Variants in ZKSCAN4 observed in about 807,000 individuals in gnomAD.
ZKSCAN4 encodes zinc finger protein with KRAB and SCAN domains 4.
A neutral mutation model predicts 30.8 loss-of-function variants in ZKSCAN4; 23 were observed. The observed-to-expected ratio is 0.75, with a 90% CI of 0.54 to 1.06. ZKSCAN4 has a LOEUF of 1.06. Ranked by LOEUF, ZKSCAN4 falls within the 50% of genes least tolerant of loss-of-function variation. ZKSCAN4 has a pLI of 0.00. For synonymous variants in ZKSCAN4, 208 were observed against 252.5 expected, an observed-to-expected ratio of 0.82 and a Z score of 1.67; for missense variants, 556 against 665.4, an observed-to-expected ratio of 0.84 and a Z score of 1.81.
In ZKSCAN4 at chr6:28,242,778, CAA is replaced by C. The variant is rs1024422385; in HGVS notation, c.*2336_*2337del. 2.0e-5 allele frequency among the ~76,000 whole-genome samples: 3 copies of C among 149,190 alleles called. No homozygotes were observed. The highest frequency in any genetic ancestry group is 7.5e-5 in the African/African-American group (3 of 40,008). On this transcript the variant is annotated 3_prime_UTR_variant, in exon 5 of 5. Coordinates refer to ENST00000377294, the MANE Select transcript of ZKSCAN4 (RefSeq NM_019110.5). The stretch of plus-strand genomic sequence containing the variant: ...GTATACACACACACACACACACACA[CAA>C]ATAGAGGCTTTATTTCTTCCCTTTT...
In ZKSCAN4 at chr6:28,249,465, G is replaced by A. The variant is rs1224683156; in HGVS notation, c.571+222C>T. On this transcript the variant is annotated intron_variant, in intron 2 of 4. Coordinates refer to ENST00000377294, the MANE Select transcript of ZKSCAN4 (RefSeq NM_019110.5). This position sits in a 1 kb window ranked among gnomAD's most constrained non-coding sequence, Gnocchi z 4.1. Reference sequence around the variant, plus strand: ...AGATCACCATGTTGTTTAAAAAACCGATTCTTTCTAGACATCAATTTTAAT... The same window carrying A: ...AGATCACCATGTTGTTTAAAAAACCAATTCTTTCTAGACATCAATTTTAAT... Among the ~76,000 whole-genome samples the A allele has an allele frequency of 6.6e-6, 1 of 152,028 alleles. No individual in the cohort carries two copies. The highest frequency in any genetic ancestry group is 1.5e-5 in the Non-Finnish European group (1 of 68,000).
chr6:28,243,163 A>G lies in ZKSCAN4; in HGVS notation c.*1953T>C, dbSNP rs926460192. On this transcript the variant is annotated 3_prime_UTR_variant, in exon 5 of 5. Transcript: ENST00000377294. ...GATTTTAAAGAAATTTGAAAAGGCT[A>G]GAAAAGATTGAGCAGAGAAAGTCTA... 6.6e-5 allele frequency among the ~76,000 whole-genome samples: 10 copies of G among 152,260 alleles called. No homozygotes were observed. Among genetic ancestry groups the G allele is most frequent in the African/African-American group, 2.2e-4 (9 of 41,480 alleles).
At chr6:28,247,926 C>T in intron 3 of ZKSCAN4, 141 bp downstream of exon 3, 1 of 542,362 alleles carries the variant, frequency 1.8e-6, no homozygotes, top group Non-Finnish European at 3.2e-6. Flanking sequence ...TTATATGCAA[C>T]TTTGGGATAG....
At position 28,249,890 on chromosome 6, in the gene ZKSCAN4, A is replaced by T; in HGVS notation, c.424-56T>A. 3 of 1,592,104 alleles carry T rather than the reference A, an allele frequency of 1.9e-6. No homozygotes were observed. The highest frequency in any genetic ancestry group is 2.6e-6 in the Non-Finnish European group (3 of 1,165,846). ...AACATTTCTATGTTTTCCATGTGCA[A>T]GTGATTTCTATTTTCTAGGCACTGT... On this transcript the variant is annotated intron_variant, in intron 1 of 4. Transcript: ENST00000377294. The surrounding 1 kb of genome is among the most constrained non-coding windows in gnomAD (Gnocchi z 4.1).
At chr6:28,255,643 A>G (rs1761155364), upstream of ZKSCAN4, among the ~76,000 whole-genome samples, 1 of 151,990 alleles carries the variant, frequency 6.6e-6, no homozygotes, top group Admixed American at 6.6e-5. Flanking sequence ...AACTGGCCAA[A>G]TTTTTCCTTG....
chr6:28,247,598 A>G (rs903875131), intron 3 of ZKSCAN4, among the ~76,000 whole-genome samples: 2 of 152,254 alleles, frequency 1.3e-5, no homozygotes, highest in African/African-American at 4.8e-5. Flanking sequence ...TTCATATTGT[A>G]ATATAAATAA....
rs558947140 is a variant in ZKSCAN4, at chr6:28,242,696, CTTAT to C, written c.*2416_*2419del. ...CATAAGGCATTTATCATTACACTGC[CTTAT>C]TTGTGTGCAAGTCTTACCAACCTGA... On this transcript the variant is annotated 3_prime_UTR_variant, in exon 5 of 5. Coordinates refer to ENST00000377294, the MANE Select transcript of ZKSCAN4 (RefSeq NM_019110.5). Among the ~76,000 whole-genome samples, 117 of 152,202 alleles carry C rather than the reference CTTAT, an allele frequency of 7.7e-4. No homozygotes were observed. Among genetic ancestry groups the C allele is most frequent in the African/African-American group, 1.8e-3 (75 of 41,512 alleles).
chr6:28,245,155 A>G lies in ZKSCAN4; in HGVS notation c.1599T>C (p.His533=), dbSNP rs200159390. The G allele has an allele frequency of 3.1e-4, 507 of 1,614,016 alleles. 7 individuals carry two copies. Among genetic ancestry groups the G allele is most frequent in the South Asian group, 2.9e-3 (268 of 91,068 alleles). ...GFTRTSYLVQ[H]QRSHVGKKTL... ...TTTTTTTCCCTACATGGCTTCTCTG[A>G]TGTTGAACAAGGTATGAAGTTCGAG... The change falls in exon 5 of 5, where the codon CAT becomes CAC. Residue 533 remains histidine, a synonymous_variant. Transcript: ENST00000377294.
the ZKSCAN4 span, among the ~76,000 whole-genome samples, chr6:28,257,803 T>C: frequency 6.6e-6 from 1 of 152,206 alleles, no homozygotes; most frequent in East Asian, 1.9e-4. Context: ...CCTGTGTCGC[T>C]ACCTGAAAGA....
At position 28,242,639 on chromosome 6, in the gene ZKSCAN4, C is replaced by G. The variant is rs982426123; in HGVS notation, c.*2477G>C. ...CACAGCTGGAAGCATCCTTTTCCTT[C>G]TCTGAATTTCTACAAGCCTCAGTTT... On this transcript the variant is annotated 3_prime_UTR_variant, in exon 5 of 5. Coordinates refer to ENST00000377294, the MANE Select transcript of ZKSCAN4 (RefSeq NM_019110.5). Among the ~76,000 whole-genome samples the G allele has an allele frequency of 6.6e-6, 1 of 152,146 alleles. No homozygotes were observed. The highest frequency in any genetic ancestry group is 6.6e-5 in the Admixed American group (1 of 15,262).
rs1581574879 is a variant in ZKSCAN4, at chr6:28,243,745, A to G, written c.*1371T>C. On this transcript the variant is annotated 3_prime_UTR_variant, in exon 5 of 5. Coordinates refer to ENST00000377294, the MANE Select transcript of ZKSCAN4 (RefSeq NM_019110.5). ...AGTGGCACCATCTCGGCTCACTGCA[A>G]CCTCCACCTCCCAGTTTCAAGCAAC... Among the ~76,000 whole-genome samples the G allele has an allele frequency of 6.6e-6, 1 of 151,512 alleles. No individual in the cohort carries two copies. The highest frequency in any genetic ancestry group is 1.9e-4 in the East Asian group (1 of 5,162).
In ZKSCAN4 at chr6:28,243,600, T is replaced by C. The variant is rs1760580431; in HGVS notation, c.*1516A>G. ...TCACATATCAACACTTTGGATATTG[T>C]ACAATCTTTTTCATCAGATACCTAG... is the stretch of plus-strand genomic sequence containing the variant. On this transcript the variant is annotated 3_prime_UTR_variant, in exon 5 of 5. Transcript: ENST00000377294. 6.6e-6 allele frequency among the ~76,000 whole-genome samples: 1 copy of C among 152,152 alleles called. No individual in the cohort carries two copies. Among genetic ancestry groups the C allele is most frequent in the East Asian group, 1.9e-4 (1 of 5,206 alleles).
chr6:28,243,734 G>T lies in ZKSCAN4; in HGVS notation c.*1382C>A, dbSNP rs9393911. On this transcript the variant is annotated 3_prime_UTR_variant, in exon 5 of 5. Coordinates refer to ENST00000377294, the MANE Select transcript of ZKSCAN4 (RefSeq NM_019110.5). ...GGCTGGACTGCAGTGGCACCATCTCGGCTCACTGCAACCTCCACCTCCCAG... is the reference window on the plus strand; with the variant it reads ...GGCTGGACTGCAGTGGCACCATCTCTGCTCACTGCAACCTCCACCTCCCAG... Among the ~76,000 whole-genome samples, 1 of 150,538 alleles carries T rather than the reference G, an allele frequency of 6.6e-6. No homozygotes were observed.
chr6:28,241,966 A>G lies in ZKSCAN4; in HGVS notation c.*3150T>C, dbSNP rs1477889140. On this transcript the variant is annotated 3_prime_UTR_variant, in exon 5 of 5. Transcript: ENST00000377294. ...ATACGTCTTTGCCAAAATTAAGAAC[A>G]AATCCAAGAGTGCCATTCATCAAAA... Among the ~76,000 whole-genome samples, 2 of 152,276 alleles carry G rather than the reference A, an allele frequency of 1.3e-5. No homozygotes were observed. Among genetic ancestry groups the G allele is most frequent in the Middle Eastern group, 3.4e-3 (1 of 294 alleles).
At chr6:28,255,313 T>C (rs1761145333), upstream of ZKSCAN4, among the ~76,000 whole-genome samples, 1 of 152,216 alleles carries the variant, frequency 6.6e-6, no homozygotes, top group African/African-American at 2.4e-5. Flanking sequence ...CTATTGCTGC[T>C]TTTTATAGCT....
rs951841768 is a variant in ZKSCAN4 at position 28,244,161 on chromosome 6, TA to T, written c.*954del. On this transcript the variant is annotated 3_prime_UTR_variant, in exon 5 of 5. Coordinates refer to ENST00000377294, the MANE Select transcript of ZKSCAN4 (RefSeq NM_019110.5). ...ATAAGCCTTGATGCACAGTCAGCTA[TA>T]AACTGGGGAAGAGGGACACAGATGA... Among the ~76,000 whole-genome samples the T allele has an allele frequency of 2.6e-5, 4 of 152,182 alleles. No individual in the cohort carries two copies. The highest frequency in any genetic ancestry group is 9.7e-5 in the African/African-American group (4 of 41,444).
At position 28,243,664 on chromosome 6, in the gene ZKSCAN4, C is replaced by T. The variant is rs9461445; in HGVS notation, c.*1452G>A. On this transcript the variant is annotated 3_prime_UTR_variant, in exon 5 of 5. Coordinates refer to ENST00000377294, the MANE Select transcript of ZKSCAN4 (RefSeq NM_019110.5). ...CTTCTGAACAGACACATTTTCTTTT[C>T]TTTTTTTTTTTTCTTTTTGAGACAG... 0.2 allele frequency among the ~76,000 whole-genome samples: 28,961 copies of T among 144,368 alleles called. 3,132 individuals carry two copies. The highest frequency in any genetic ancestry group is 0.29 in the African/African-American group (11,169 of 38,410). 94.7% of individuals were successfully genotyped at this position (144,368 alleles called of 152,430 possible). A position where few individuals can be genotyped will look rare whatever the true frequency, so the allele number is the denominator to read the frequency against.
intron 3 of ZKSCAN4, among the ~76,000 whole-genome samples, chr6:28,247,645 A>G (rs1760794251): frequency 6.6e-6 from 1 of 152,248 alleles, no homozygotes; most frequent in Non-Finnish European, 1.5e-5. Flanking sequence ...CCTTTCAAGT[A>G]TAAGTTCTTT....
In ZKSCAN4 at chr6:28,245,343, G is replaced by T; in HGVS notation, c.1411C>A (p.Gln471Lys). Reference protein sequence around the residue: ...NPEHGESWESQGRTESQWENT... With the variant: ...NPEHGESWESKGRTESQWENT... Reference sequence around the variant, plus strand: ...TCCCACTGGCTTTCCGTCCTACCCTGACTTTCCCAGGACTCCCCGTGCTCA... The same window carrying T: ...TCCCACTGGCTTTCCGTCCTACCCTTACTTTCCCAGGACTCCCCGTGCTCA... Residue 471 changes from glutamine to lysine, a missense_variant, in exon 5 of 5, where the codon CAG becomes AAG. Gln to Lys is a moderately conservative substitution (Grantham distance 53, BLOSUM62 1). Around this residue, in one of 3 missense-constraint regions of ZKSCAN4, gnomAD observed 433 missense variants for 511.5 expected, o/e 0.85. Transcript: ENST00000377294. The T allele has an allele frequency of 6.2e-7, 1 of 1,614,168 alleles. No homozygotes were observed. Among genetic ancestry groups the T allele is most frequent in the Non-Finnish European group, 8.5e-7 (1 of 1,180,026 alleles).
Sources: allele counts gnomAD v4.1 joint callset (sites outside exome capture counted in the v4.1 genomes callset), GRCh38; gene constraint gnomAD v4.1.1; regional missense constraint gnomAD v4.1.1; non-coding constraint Gnocchi (gnomAD v3.1); transcripts MANE v1.5; gene names NCBI Gene and HGNC (gene_info 2026-07-23, HGNC 2026-07-21).